The following DLGAP1 variants were observed in gnomAD, a reference collection of about 807,000 sequenced individuals.
DLGAP1 encodes disks large-associated protein 1.
Under a neutral mutation model 90.8 loss-of-function variants are expected in DLGAP1, and 11 were observed. That is an observed-to-expected ratio of 0.12 (90% CI 0.08 to 0.20). The LOEUF is 0.20. DLGAP1 is among the 10% of genes least tolerant of loss of function. The probability of loss-of-function intolerance (pLI) is 1.00; values close to 1 mark genes in which losing one functional copy is unlikely to be tolerated. For missense variants in DLGAP1, 1,050 were observed against 1,333.8 expected (o/e 0.79, Z 3.31); for synonymous variants, 558 against 540.7 (o/e 1.03, Z -0.44).
intron 7 of DLGAP1, among the ~76,000 whole-genome samples, chr18:3,679,468 A>C (rs754582759): frequency 4.6e-5 from 7 of 151,822 alleles, no homozygotes; most frequent in Non-Finnish European, 8.8e-5. Context: ...AGAATGACTA[A>C]GTACAGACTA....
At chr18:3,636,970 G>T (rs1363754049) in intron 7 of DLGAP1, among the ~76,000 whole-genome samples, 2 of 151,882 alleles carry the variant, frequency 1.3e-5, no homozygotes, top group Non-Finnish European at 2.9e-5. Flanking sequence ...TGATCCACCC[G>T]CCTCGGCATC....
rs185846584 is a variant in DLGAP1, at chr18:3,540,039, A to G, written c.2058-5424T>C. On this transcript the variant is annotated intron_variant, in intron 9 of 12. Coordinates refer to ENST00000315677, the MANE Select transcript of DLGAP1 (RefSeq NM_004746.4). The stretch of plus-strand genomic sequence containing the variant: ...GAATATATGTGGGATCTGAAATGCT[A>G]CTCCTAGAAAGTGCAACCATCTTGG... 9.2e-5 allele frequency among the ~76,000 whole-genome samples: 14 copies of G among 152,238 alleles called. No homozygotes were observed. In the East Asian group the frequency reaches 2.5e-3, roughly 27 times the overall value.
chr18:3,600,924 A>AGATG lies in DLGAP1; in HGVS notation c.1592-18677_1592-18676insCATC, dbSNP rs1485842408. On this transcript the variant is annotated intron_variant, in intron 7 of 12. Coordinates refer to ENST00000315677, the MANE Select transcript of DLGAP1 (RefSeq NM_004746.4). ...TATAGATATATAGATAGATATAGAT[A>AGATG]TATATAGATATATAGATAGATATAT... 2.8e-4 allele frequency among the ~76,000 whole-genome samples: 30 copies of AGATG among 105,806 alleles called. 8 individuals carry two copies. The highest frequency in any genetic ancestry group is 9.5e-4 in the South Asian group (3 of 3,174). The allele number at this position is 105,806 out of a possible 152,430, so 69.4% of individuals were successfully genotyped here. A position where few individuals can be genotyped will look rare whatever the true frequency, so the allele number is the denominator to read the frequency against.
chr18:4,016,320 G>A (rs924273879), intron 2 of DLGAP1, among the ~76,000 whole-genome samples: 1 of 152,188 alleles, frequency 6.6e-6, no homozygotes, highest in Non-Finnish European at 1.5e-5. Context: ...CAAGGCAGCC[G>A]CTGGTGAGCG....
chr18:3,709,066 T>C (rs1468941188), intron 7 of DLGAP1, among the ~76,000 whole-genome samples: 1 of 152,228 alleles, frequency 6.6e-6, no homozygotes, highest in African/African-American at 2.4e-5. Context: ...GTATTTATTA[T>C]ATGCCAGATA....
chr18:4,407,727 A>C (rs2082692545), intron 1 of DLGAP1, among the ~76,000 whole-genome samples: 1 of 152,000 alleles, frequency 6.6e-6, no homozygotes, highest in Admixed American at 6.6e-5. Context: ...AAAAACACAC[A>C]AAAAAATTAG....
At chr18:4,180,608 T>C (rs1020732087) in intron 1 of DLGAP1, among the ~76,000 whole-genome samples, 5 of 152,118 alleles carry the variant, frequency 3.3e-5, no homozygotes, top group Non-Finnish European at 7.4e-5. Context: ...AAATATTAAA[T>C]ACAAAAAGTT....
chr18:4,116,304 T>G (rs1037998642), intron 2 of DLGAP1, among the ~76,000 whole-genome samples: 49 of 152,362 alleles, frequency 3.2e-4, no homozygotes, highest in African/African-American at 1.1e-3. Context: ...ACATTTTGAC[T>G]ATAATGTGTC....
chr18:3,690,094 GTTTTTTTTTTT>G (rs77999372), intron 7 of DLGAP1, among the ~76,000 whole-genome samples: 3 of 116,880 alleles, frequency 2.6e-5, no homozygotes, highest in Non-Finnish European at 5.1e-5. Context: ...GCTGGGTGAG[GTTTTTTTTTTT>G]TTTTTTTTTT....
intron 3 of DLGAP1, among the ~76,000 whole-genome samples, chr18:3,940,276 C>G (rs977522798): frequency 6.6e-6 from 1 of 152,182 alleles, no homozygotes; most frequent in Non-Finnish European, 1.5e-5. Context: ...ACAGATGAGT[C>G]CTGCCCACAT....
chr18:3,568,331 T>C (rs780630003), intron 8 of DLGAP1, among the ~76,000 whole-genome samples: 2 of 152,294 alleles, frequency 1.3e-5, no homozygotes, highest in Non-Finnish European at 2.9e-5. Flanking sequence ...TCTTCATTTT[T>C]CTCCCCTTAA....
intron 1 of DLGAP1, among the ~76,000 whole-genome samples, chr18:4,155,510 A>G (rs1343583577): frequency 1.3e-5 from 2 of 152,176 alleles, no homozygotes; most frequent in African/African-American, 4.8e-5. Flanking sequence ...CTTTTCTCCC[A>G]CAGTTGCTGT....
chr18:4,242,121 G>A (rs982632716), intron 1 of DLGAP1, among the ~76,000 whole-genome samples: 3 of 152,042 alleles, frequency 2.0e-5, no homozygotes, highest in East Asian at 3.9e-4. Context: ...CAAAGCCCTC[G>A]ACCTAGTAAT....
At chr18:4,333,307 G>C (rs1420301838) in intron 1 of DLGAP1, among the ~76,000 whole-genome samples, 2 of 151,910 alleles carry the variant, frequency 1.3e-5, no homozygotes, top group Admixed American at 6.5e-5. Flanking sequence ...CTGTGTTCAA[G>C]ATCTAGCAGG....
At chr18:4,280,376 A>G (rs1204225575) in intron 1 of DLGAP1, among the ~76,000 whole-genome samples, 1 of 152,218 alleles carries the variant, frequency 6.6e-6, no homozygotes, top group Admixed American at 6.5e-5. Context: ...CCCTGTCTTC[A>G]TGGTCTTACT....
At chr18:4,242,080 C>T (rs2078548063) in intron 1 of DLGAP1, among the ~76,000 whole-genome samples, 1 of 152,124 alleles carries the variant, frequency 6.6e-6, no homozygotes, top group African/African-American at 2.4e-5. Flanking sequence ...CCAGACATAT[C>T]TGCTTCTCAA....
intron 1 of DLGAP1, among the ~76,000 whole-genome samples, chr18:4,421,881 T>G (rs933949008): frequency 3.3e-5 from 5 of 151,956 alleles, no homozygotes; most frequent in Non-Finnish European, 7.4e-5. Context: ...TCAGCTAATT[T>G]TTTTGTAGTT....
intron 9 of DLGAP1, among the ~76,000 whole-genome samples, chr18:3,544,419 GAA>G (rs2052892239): frequency 6.6e-6 from 1 of 152,098 alleles, no homozygotes; most frequent in African/African-American, 2.4e-5. Flanking sequence ...AAAAGAAGCT[GAA>G]AGTATTCATC....
At position 3,534,528 on chromosome 18, in the gene DLGAP1, T is replaced by A; in HGVS notation, c.2145A>T (p.Glu715Asp). ...DFHDNLENSL[E>D]SIEDNSCPGP... The stretch of plus-strand genomic sequence containing the variant: ...CAGGACACGAATTGTCCTCTATAGA[T>A]TCCAGAGAATTTTCCAGATTATCAT... Residue 715 changes from glutamate (E) to aspartate (D), a missense_variant, in exon 10 of 13, where the codon GAA (glutamate) becomes GAT (aspartate). By Grantham distance (45) the Glu-to-Asp change is conservative. Transcript: ENST00000315677. 1 of 1,614,160 alleles carries A rather than the reference T, an allele frequency of 6.2e-7. No homozygotes were observed. The highest frequency in any genetic ancestry group is 8.5e-7 in the Non-Finnish European group (1 of 1,180,002).
Sources: allele counts gnomAD v4.1 joint callset (sites outside exome capture counted in the v4.1 genomes callset), GRCh38; gene constraint gnomAD v4.1.1; transcripts MANE v1.5; gene names NCBI Gene and HGNC (gene_info 2026-07-23, HGNC 2026-07-21).